The following BRINP3 variants were observed in gnomAD, a reference collection of about 807,000 sequenced individuals.
BRINP3 encodes BMP/retinoic acid inducible neural specific 3.
BRINP3 carries 19 observed loss-of-function variants against 71.0 expected under a neutral mutation model. That is an observed-to-expected ratio of 0.27 (90% CI 0.19 to 0.39). The LOEUF (loss-of-function observed/expected upper bound fraction) is 0.39. Ranked by LOEUF, BRINP3 falls within the 10% of genes least tolerant of loss-of-function variation. The pLI is 1.00. For missense variants in BRINP3, 959 were observed against 940.8 expected, an observed-to-expected ratio of 1.02 and a Z score of -0.25; for synonymous variants, 380 against 337.7, an observed-to-expected ratio of 1.13 and a Z score of -1.37.
chr1:190,339,826 C>G (rs1558195778), intron 2 of BRINP3, among the ~76,000 whole-genome samples: 1 of 151,924 alleles, frequency 6.6e-6, no homozygotes, highest in Non-Finnish European at 1.5e-5. Flanking sequence ...CAGAGACACA[C>G]AGTAGATCAA....
intron 2 of BRINP3, among the ~76,000 whole-genome samples, chr1:190,410,775 C>T (rs975634374): frequency 1.3e-4 from 20 of 152,018 alleles, no homozygotes; most frequent in African/African-American, 4.8e-4. Flanking sequence ...AGGGAGAGGA[C>T]ATTGAATACA....
intron 1 of BRINP3, among the ~76,000 whole-genome samples, chr1:190,458,515 A>G (rs1413230954): frequency 6.6e-6 from 1 of 152,084 alleles, no homozygotes; most frequent in Non-Finnish European, 1.5e-5. Context: ...TCACAAAAGT[A>G]GATCATTGTA....
Position 190,182,459 on chromosome 1 carries a change from A to G in BRINP3, c.962-21569T>C, listed in dbSNP as rs113816246. The stretch of plus-strand genomic sequence containing the variant: ...AAATATTTCTTTCCTTGTCTTATTA[A>G]TTCTTCTGTTGAGCTTATCCTTTGT... On this transcript the variant is annotated intron_variant, in intron 6 of 7. Coordinates refer to ENST00000367462, the MANE Select transcript of BRINP3 (RefSeq NM_199051.3). 3.6e-3 allele frequency among the ~76,000 whole-genome samples: 541 copies of G among 152,100 alleles called. 4 individuals are homozygous for G. Among genetic ancestry groups the G allele is most frequent in the African/African-American group, 0.012 (513 of 41,510 alleles).
At chr1:190,424,064 AATATAGTCCAAAATAT>A (rs1673547286) in intron 2 of BRINP3, among the ~76,000 whole-genome samples, 5 of 151,588 alleles carry the variant, frequency 3.3e-5, no homozygotes, top group Admixed American at 2.0e-4. Context: ...TTTATTTTTA[AATATAGTCCAAAATAT>A]ATATAGTCAA....
In BRINP3 at chr1:190,306,197, A is replaced by T. The variant is rs117472713; in HGVS notation, c.237-24447T>A. Among the ~76,000 whole-genome samples the T allele has an allele frequency of 7.2e-4, 110 of 151,964 alleles. 1 individual carries two copies. In the East Asian group the frequency reaches 0.02, roughly 28 times the overall value. On this transcript the variant is annotated intron_variant, in intron 2 of 7. Transcript: ENST00000367462. ...TTAATGAGATAAAGATATCTGCCCA[A>T]TATGAAACATTTCATAAATTAGTGC...
intron 2 of BRINP3, among the ~76,000 whole-genome samples, chr1:190,363,151 G>A (rs1669258990): frequency 6.6e-6 from 1 of 152,116 alleles, no homozygotes; most frequent in Admixed American, 6.6e-5. Context: ...TCACATGGCA[G>A]GGAACTACGA....
chr1:190,238,270 T>A (rs376354565), intron 4 of BRINP3, among the ~76,000 whole-genome samples: 1 of 152,036 alleles, frequency 6.6e-6, no homozygotes, highest in Non-Finnish European at 1.5e-5. Context: ...ATTTCTGATA[T>A]CTTAACATTT....
intron 6 of BRINP3, among the ~76,000 whole-genome samples, chr1:190,181,322 A>G (rs1653012910): frequency 6.6e-6 from 1 of 152,088 alleles, no homozygotes; most frequent in South Asian, 2.1e-4. Flanking sequence ...TTACATAATG[A>G]GGAACATTTT....
intron 2 of BRINP3, among the ~76,000 whole-genome samples, chr1:190,301,212 T>TACACAC (rs1553283751): frequency 1.5e-5 from 1 of 68,282 alleles, no homozygotes; most frequent in Non-Finnish European, 3.5e-5. Context: ...TACATATATA[T>TACACAC]ATATATATAT....
intron 2 of BRINP3, among the ~76,000 whole-genome samples, chr1:190,321,701 AC>A (rs1425418635): frequency 1.3e-5 from 2 of 152,086 alleles, no homozygotes; most frequent in Non-Finnish European, 2.9e-5. Context: ...TGCTTTGGAA[AC>A]ATCATGATGG....
intron 2 of BRINP3, among the ~76,000 whole-genome samples, chr1:190,449,676 G>C (rs1323529363): frequency 6.6e-6 from 1 of 152,102 alleles, no homozygotes; most frequent in African/African-American, 2.4e-5. Context: ...AGGATGTGTT[G>C]ATCAGTGCCT....
intron 2 of BRINP3, among the ~76,000 whole-genome samples, chr1:190,419,690 T>TACACACACACACACACACACAC (rs5779528): frequency 8.7e-4 from 129 of 148,448 alleles, no homozygotes; most frequent in African/African-American, 3.0e-3. Flanking sequence ...TATACATTTA[T>TACACACACACACACACACACAC]ACACACACAC....
chr1:190,217,130 C>T (rs537019395), intron 6 of BRINP3: 2 of 151,960 alleles, frequency 1.3e-5, no homozygotes, highest in East Asian at 3.9e-4. Context: ...GAAGAATTCC[C>T]AGCAGAAACA....
chr1:190,423,077 C>T (rs773803135), intron 2 of BRINP3, among the ~76,000 whole-genome samples: 132 of 151,658 alleles, frequency 8.7e-4, no homozygotes, highest in Non-Finnish European at 3.8e-4. Context: ...TTTTGCTAGA[C>T]CCCAGACCCT....
intron 6 of BRINP3, among the ~76,000 whole-genome samples, chr1:190,185,793 A>G (rs1464534077): frequency 1.3e-5 from 2 of 152,196 alleles, no homozygotes; most frequent in Non-Finnish European, 2.9e-5. Context: ...ATGTACAACG[A>G]TAAAATAATT....
chr1:190,218,635 T>A (rs1276842646), intron 6 of BRINP3, among the ~76,000 whole-genome samples: 1 of 152,048 alleles, frequency 6.6e-6, no homozygotes, highest in Non-Finnish European at 1.5e-5. Flanking sequence ...AACATACATT[T>A]TATTAACAAG....
At chr1:190,223,437 A>G (rs534981571) in intron 6 of BRINP3, among the ~76,000 whole-genome samples, 1 of 152,124 alleles carries the variant, frequency 6.6e-6, no homozygotes, top group East Asian at 1.9e-4. Flanking sequence ...TAGATGCCAA[A>G]AAAGCACTTG....
At chr1:190,356,129 A>G (rs1034143215) in intron 2 of BRINP3, among the ~76,000 whole-genome samples, 2 of 151,994 alleles carry the variant, frequency 1.3e-5, no homozygotes, top group Non-Finnish European at 2.9e-5. Flanking sequence ...TTCTACTAAT[A>G]TTCTGAACCA....
At chr1:190,471,530 A>G (rs952135116) in intron 1 of BRINP3, among the ~76,000 whole-genome samples, 1 of 151,418 alleles carries the variant, frequency 6.6e-6, no homozygotes, top group East Asian at 1.9e-4. Context: ...CGAAGTGTCT[A>G]AATAAGTTTA....
Sources: allele counts gnomAD v4.1 joint callset (sites outside exome capture counted in the v4.1 genomes callset), GRCh38; gene constraint gnomAD v4.1.1; transcripts MANE v1.5; gene names NCBI Gene and HGNC (gene_info 2026-07-23, HGNC 2026-07-21).